PCBP3: variants seen among roughly 807,000 people sequenced by gnomAD.
PCBP3 encodes the protein poly(rC) binding protein 3.
PCBP3 carries 25 observed loss-of-function variants against 52.7 expected under a neutral mutation model. That is an observed-to-expected ratio of 0.47 (90% CI 0.35 to 0.66). The LOEUF (loss-of-function observed/expected upper bound fraction) is 0.66. PCBP3 is among the 30% of genes least tolerant of loss of function. The pLI is 0.01. For missense variants in PCBP3, 391 were observed against 490.3 expected (o/e 0.80, Z 1.91); for synonymous variants, 162 against 183.0 (o/e 0.89, Z 0.93).
At chr21:45,924,424 C>T (rs71317801) in intron 13 of PCBP3, among the ~76,000 whole-genome samples, 234 of 26,662 alleles carry the variant, frequency 8.8e-3, no homozygotes, top group Admixed American at 0.011. Flanking sequence ...CGAGGAGATG[C>T]GAACACCGGG....
intron 1 of PCBP3, among the ~76,000 whole-genome samples, chr21:45,653,151 G>T (rs1395384485): frequency 6.6e-6 from 1 of 152,040 alleles, no homozygotes; most frequent in Non-Finnish European, 1.5e-5. Context: ...ATGCTGATTT[G>T]CCTTGTAGCC....
chr21:45,689,041 TC>T (rs2082314846), intron 2 of PCBP3, among the ~76,000 whole-genome samples: 1 of 152,036 alleles, frequency 6.6e-6, no homozygotes, highest in Non-Finnish European at 1.5e-5. Context: ...AATTTTTTTT[TC>T]AGAAAATGGA....
At chr21:45,806,659 C>A (rs2092513047) in intron 4 of PCBP3, among the ~76,000 whole-genome samples, 1 of 151,948 alleles carries the variant, frequency 6.6e-6, no homozygotes, top group Non-Finnish European at 1.5e-5. Flanking sequence ...TCATGGGGAC[C>A]AGCCAGGGCC....
At position 45,910,894 on chromosome 21, in the gene PCBP3, C is replaced by A. The variant is rs751391125; in HGVS notation, c.472-8C>A. On this transcript the variant is annotated splice_region_variant and splice_polypyrimidine_tract_variant and intron_variant, in intron 10 of 17. Transcript: ENST00000681687. ...CTGGTGCTCCCTTCCAATGTCCCCT[C>A]TCTCCAGTCCACAGGTGCCCAGGTG... 1 of 1,596,144 alleles carries A rather than the reference C, an allele frequency of 6.3e-7. No individual in the cohort carries two copies. Among genetic ancestry groups the A allele is most frequent in the Admixed American group, 1.7e-5 (1 of 59,540 alleles).
chr21:45,753,846 C>A (rs77386611), intron 3 of PCBP3, among the ~76,000 whole-genome samples: 2,644 of 152,218 alleles, frequency 0.017, 75 homozygotes, highest in African/African-American at 0.061. Context: ...CATTTTCATT[C>A]TCAACTGTTG....
intron 17 of PCBP3, 34 bp downstream of exon 17, chr21:45,940,233 C>T (rs374835972): frequency 1.8e-5 from 28 of 1,574,576 alleles, no homozygotes; most frequent in South Asian, 3.4e-5. Flanking sequence ...GAGAGACGCC[C>T]GGAAAGGGAC....
intron 11 of PCBP3, among the ~76,000 whole-genome samples, chr21:45,913,467 G>C (rs1603500265): frequency 6.6e-6 from 1 of 152,294 alleles, no homozygotes; most frequent in East Asian, 1.9e-4. Context: ...GCAGCTCCCT[G>C]TGAAGCCGTG....
At chr21:45,708,805 A>G (rs1815337269) in intron 2 of PCBP3, among the ~76,000 whole-genome samples, 1 of 152,212 alleles carries the variant, frequency 6.6e-6, no homozygotes, top group African/African-American at 2.4e-5. Flanking sequence ...CTCTGTTTCA[A>G]GGGCGGAAGA....
At chr21:45,779,449 T>C (rs1032062572) in intron 4 of PCBP3, among the ~76,000 whole-genome samples, 1 of 152,158 alleles carries the variant, frequency 6.6e-6, no homozygotes, top group Non-Finnish European at 1.5e-5. Context: ...TTTCCTTAAC[T>C]CGCTTTTGGT....
chr21:45,693,092 T>C (rs1249322128), intron 2 of PCBP3, among the ~76,000 whole-genome samples: 2 of 152,130 alleles, frequency 1.3e-5, no homozygotes, highest in Admixed American at 6.5e-5. Context: ...CACCCACTAA[T>C]AATAAAAATT....
intron 5 of PCBP3, among the ~76,000 whole-genome samples, chr21:45,867,462 C>G (rs1231064556): frequency 1.3e-5 from 2 of 152,246 alleles, no homozygotes; most frequent in Non-Finnish European, 2.9e-5. Context: ...GTCCCTGGCG[C>G]ACCTGCTACC....
intron 4 of PCBP3, among the ~76,000 whole-genome samples, chr21:45,834,786 G>T (rs1379304272): frequency 6.6e-6 from 1 of 152,258 alleles, no homozygotes; most frequent in Non-Finnish European, 1.5e-5. Context: ...CTTCGGAGCT[G>T]CCTCTAGAGG....
chr21:45,909,590 C>T, intron 10 of PCBP3, 104 bp downstream of exon 10: 4 of 1,166,314 alleles, frequency 3.4e-6, no homozygotes, highest in Non-Finnish European at 4.9e-6. Context: ...CTGCTGTCTG[C>T]AAGCCCAATG....
intron 16 of PCBP3, among the ~76,000 whole-genome samples, chr21:45,937,472 G>T (rs1011705371): frequency 6.6e-6 from 1 of 152,204 alleles, no homozygotes; most frequent in African/African-American, 2.4e-5. Context: ...AATCAGCCAG[G>T]CCTTCTGCTG....
At chr21:45,658,792 C>T (rs1376016999) in intron 1 of PCBP3, among the ~76,000 whole-genome samples, 2 of 152,042 alleles carry the variant, frequency 1.3e-5, no homozygotes, top group Non-Finnish European at 2.9e-5. Flanking sequence ...GTGAAGCCAT[C>T]TGTTTCTAAT....
intron 4 of PCBP3, among the ~76,000 whole-genome samples, chr21:45,813,115 T>G (rs1478796117): frequency 1.3e-5 from 2 of 152,232 alleles, no homozygotes; most frequent in Non-Finnish European, 2.9e-5. Context: ...TTTTCCCATT[T>G]CAGTCTTTCT....
At chr21:45,651,613 T>C (rs78567247) in intron 1 of PCBP3, among the ~76,000 whole-genome samples, 4,259 of 152,290 alleles carry the variant, frequency 0.028, 214 homozygotes, top group African/African-American at 0.097. Flanking sequence ...CCAAAGAGTG[T>C]CCCAGTTTAT....
At chr21:45,719,787 T>C (rs1012734591) in intron 2 of PCBP3, among the ~76,000 whole-genome samples, 1 of 152,138 alleles carries the variant, frequency 6.6e-6, no homozygotes, top group African/African-American at 2.4e-5. Flanking sequence ...CATAGCAGTG[T>C]GAGAATGGAC....
chr21:45,646,083 T>TCTCTCTTTC (rs1206207801), intron 1 of PCBP3, among the ~76,000 whole-genome samples: 3 of 99,622 alleles, frequency 3.0e-5, no homozygotes, highest in African/African-American at 1.3e-4. Context: ...CTCTCTCTCT[T>TCTCTCTTTC]TCTCTCTCTC....
Sources: gnomAD v4.1 joint callset for allele counts (sites outside exome capture counted in the v4.1 genomes callset) on GRCh38, gnomAD v4.1.1 for gene constraint, MANE v1.5 for transcripts, NCBI Gene and HGNC (gene_info 2026-07-23, HGNC 2026-07-21) for gene names.